Variants in CDH13 observed in about 807,000 individuals in gnomAD.
CDH13 encodes cadherin-13.
A neutral mutation model predicts 63.8 loss-of-function variants in CDH13; 24 were observed. The ratio of observed to expected loss-of-function variants is 0.38; its 90% CI spans 0.27 to 0.53. The LOEUF (loss-of-function observed/expected upper bound fraction) is 0.53, where lower values mean the gene tolerates loss of function less well. Ranked by LOEUF, CDH13 falls within the 20% of genes least tolerant of loss-of-function variation. The pLI is 0.85. For missense variants in CDH13, 1,049 were observed against 903.1 expected, an observed-to-expected ratio of 1.16 and a Z score of -2.07; for synonymous variants, 503 against 355.3, an observed-to-expected ratio of 1.42 and a Z score of -4.67.
intron 11 of CDH13, among the ~76,000 whole-genome samples, chr16:83,775,810 G>T (rs1320706889): frequency 6.6e-6 from 1 of 152,162 alleles, no homozygotes; most frequent in Non-Finnish European, 1.5e-5. Flanking sequence ...CCTTGGTTTT[G>T]ATTCTTGGTT....
chr16:82,694,922 T>G (rs1341970070), intron 1 of CDH13, among the ~76,000 whole-genome samples: 1 of 151,364 alleles, frequency 6.6e-6, no homozygotes, highest in Admixed American at 6.6e-5. Flanking sequence ...AACTGAGGAG[T>G]CAAGGAGGGA....
At chr16:83,675,035 A>C (rs1914837691) in intron 9 of CDH13, among the ~76,000 whole-genome samples, 1 of 152,138 alleles carries the variant, frequency 6.6e-6, no homozygotes, top group Admixed American at 6.5e-5. Flanking sequence ...CCAGGCTTTA[A>C]ATTTCCCAGG....
At chr16:82,847,508 A>C (rs762191200) in intron 1 of CDH13, among the ~76,000 whole-genome samples, 2 of 152,090 alleles carry the variant, frequency 1.3e-5, no homozygotes, top group Non-Finnish European at 2.9e-5. Context: ...TCATCATCAC[A>C]TCTCTTTCTC....
chr16:83,183,369 T>C (rs540809503), intron 4 of CDH13, among the ~76,000 whole-genome samples: 13 of 152,258 alleles, frequency 8.5e-5, no homozygotes, highest in Non-Finnish European at 1.6e-4. Flanking sequence ...ATCTTCTTGC[T>C]ATGACCTTCC....
At chr16:83,679,041 T>A (rs957447942) in intron 10 of CDH13, among the ~76,000 whole-genome samples, 2 of 152,150 alleles carry the variant, frequency 1.3e-5, no homozygotes, top group Admixed American at 6.6e-5. Context: ...CACTTCCTGG[T>A]GCTTGGAAAT....
At chr16:82,811,823 G>A (rs796605853) in intron 1 of CDH13, among the ~76,000 whole-genome samples, 1 of 152,264 alleles carries the variant, frequency 6.6e-6, no homozygotes, top group African/African-American at 2.4e-5. Context: ...GACTTATAGG[G>A]TTATGGCTTA....
At chr16:83,066,336 C>T (rs967429456) in intron 3 of CDH13, among the ~76,000 whole-genome samples, 17 of 152,126 alleles carry the variant, frequency 1.1e-4, no homozygotes, top group Non-Finnish European at 1.0e-4. Context: ...GAGAGCTGCC[C>T]TTGTTTTTCG....
intron 3 of CDH13, among the ~76,000 whole-genome samples, chr16:83,092,884 C>G (rs955843188): frequency 6.6e-6 from 1 of 152,170 alleles, no homozygotes; most frequent in African/African-American, 2.4e-5. Context: ...TCTGAAAGTT[C>G]TGCAGCACTG....
At position 83,486,572 on chromosome 16, in the gene CDH13, A is replaced by G. The variant is rs766670999; in HGVS notation, c.877A>G (p.Lys293Glu). 1.4e-5 allele frequency: 22 copies of G among 1,613,870 alleles called. No individual in the cohort carries two copies. The highest frequency in any genetic ancestry group is 2.5e-6 in the Non-Finnish European group (3 of 1,179,850). Residue 293 changes from lysine (K) to glutamate (E), a missense_variant, in exon 7 of 14, where the codon AAG (lysine) becomes GAG (glutamate). Physicochemically the swap from Lys to Glu is moderately conservative, Grantham distance 56 (BLOSUM62 1). Coordinates refer to ENST00000567109, the MANE Select transcript of CDH13 (RefSeq NM_001257.5). ...RYNIRQQTPD[K>E]PSPNMFYIDP... ...TAATATCCGTCAGCAGACGCCTGAC[A>G]AGCCATCTCCCAACATGTTCTACAT...
At chr16:82,832,304 A>G (rs2038577046) in intron 1 of CDH13, among the ~76,000 whole-genome samples, 1 of 152,196 alleles carries the variant, frequency 6.6e-6, no homozygotes, top group South Asian at 2.1e-4. Flanking sequence ...ACCAGTTTGA[A>G]AATAAGTTTT....
intron 1 of CDH13, among the ~76,000 whole-genome samples, chr16:82,676,694 C>G (rs1381448955): frequency 6.6e-6 from 1 of 151,934 alleles, no homozygotes; most frequent in Non-Finnish European, 1.5e-5. Context: ...AAATATAAAA[C>G]AAAACCTCGG....
intron 1 of CDH13, among the ~76,000 whole-genome samples, chr16:82,660,631 A>G (rs911932487): frequency 1.3e-5 from 2 of 152,168 alleles, no homozygotes; most frequent in African/African-American, 4.8e-5. Context: ...GTTGAGTTAT[A>G]TTTAAGCCCT....
intron 6 of CDH13, among the ~76,000 whole-genome samples, chr16:83,372,691 G>A (rs926833781): frequency 6.7e-6 from 1 of 148,308 alleles, no homozygotes; most frequent in Non-Finnish European, 1.5e-5. Context: ...GGCAGAGGTT[G>A]CAGTGAGCCG....
At chr16:83,481,485 C>T (rs1319316007) in intron 6 of CDH13, among the ~76,000 whole-genome samples, 1 of 152,198 alleles carries the variant, frequency 6.6e-6, no homozygotes, top group East Asian at 1.9e-4. Context: ...GAAAGCAAAA[C>T]TTCAAAGCTG....
chr16:83,042,584 T>C (rs889579727), intron 3 of CDH13, among the ~76,000 whole-genome samples: 17 of 152,322 alleles, frequency 1.1e-4, no homozygotes, highest in African/African-American at 3.4e-4. Context: ...TGTAATGCAC[T>C]TGAATCATCC....
intron 1 of CDH13, among the ~76,000 whole-genome samples, chr16:82,634,871 A>G (rs1908460340): frequency 6.6e-6 from 1 of 152,226 alleles, no homozygotes; most frequent in South Asian, 2.1e-4. Context: ...AAATGGTTCC[A>G]ATAAATATCT....
chr16:83,701,231 G>T (rs1906172299), intron 10 of CDH13, among the ~76,000 whole-genome samples: 1 of 152,206 alleles, frequency 6.6e-6, no homozygotes, highest in Non-Finnish European at 1.5e-5. Context: ...TCCCTGAAAA[G>T]ATGAGAGACT....
chr16:83,229,621 G>A (rs1377098557), intron 5 of CDH13, among the ~76,000 whole-genome samples: 1 of 151,996 alleles, frequency 6.6e-6, no homozygotes, highest in African/African-American at 2.4e-5. Context: ...TTATCCAGAA[G>A]GCGTATCTTT....
intron 6 of CDH13, among the ~76,000 whole-genome samples, chr16:83,350,270 G>T (rs989283754): frequency 6.6e-6 from 1 of 152,234 alleles, no homozygotes; most frequent in African/African-American, 2.4e-5. Flanking sequence ...TGGGAGAATG[G>T]CAGCCCCCCA....
Sources: gnomAD v4.1 joint callset for allele counts (sites outside exome capture counted in the v4.1 genomes callset) on GRCh38, gnomAD v4.1.1 for gene constraint, MANE v1.5 for transcripts, NCBI Gene and HGNC (gene_info 2026-07-23, HGNC 2026-07-21) for gene names.